WWOX: variants seen among roughly 807,000 people sequenced by gnomAD.
WWOX encodes WW domain containing oxidoreductase, also known as WW domain-containing oxidoreductase.
WWOX carries 69 observed loss-of-function variants against 46.2 expected under a neutral mutation model. That is an observed-to-expected ratio of 1.49 (90% CI 1.23 to 1.82). WWOX has a LOEUF of 1.82. Among genes scored for constraint, WWOX ranks in the 40% most tolerant of loss-of-function variants. The pLI, the probability that WWOX is intolerant of heterozygous loss-of-function variation, is 0.00. For missense variants in WWOX, 919 were observed against 542.6 expected (o/e 1.69, Z -6.89); for synonymous variants, 359 against 202.6 (o/e 1.77, Z -6.56).
chr16:78,850,783 A>G lies in WWOX; in HGVS notation c.1057-360825A>G, dbSNP rs181068911. On this transcript the variant is annotated intron_variant, in intron 8 of 8. Coordinates refer to ENST00000566780, the MANE Select transcript of WWOX (RefSeq NM_016373.4). The stretch of plus-strand genomic sequence containing the variant: ...ATCTTATTGGGACAAACAGATATTG[A>G]TACCCCTGGTCTTTGAGCCCCACTG... 4.9e-4 allele frequency among the ~76,000 whole-genome samples: 75 copies of G among 152,324 alleles called. 2 individuals carry two copies. In the East Asian group the frequency reaches 0.014, roughly 28 times the overall value.
intron 5 of WWOX, among the ~76,000 whole-genome samples, chr16:78,326,577 G>GC (rs60010994): frequency 0.019 from 610 of 32,698 alleles, 11 homozygotes; most frequent in South Asian, 0.024. Context: ...CCCTCCCCCC[G>GC]CCCCCCCCCC....
At chr16:78,334,102 C>G (rs1293965236) in intron 5 of WWOX, among the ~76,000 whole-genome samples, 8 of 152,176 alleles carry the variant, frequency 5.3e-5, no homozygotes, top group Admixed American at 5.2e-4. Context: ...TTGATTCCCC[C>G]TTTACTCACA....
intron 8 of WWOX, among the ~76,000 whole-genome samples, chr16:78,900,151 T>G (rs1486223564): frequency 2.0e-5 from 3 of 148,570 alleles, no homozygotes; most frequent in Non-Finnish European, 3.0e-5. Flanking sequence ...AAGGAGTCAG[T>G]AACAAACCGT....
At chr16:78,224,393 C>T (rs1262875585) in intron 5 of WWOX, among the ~76,000 whole-genome samples, 1 of 149,662 alleles carries the variant, frequency 6.7e-6, no homozygotes, top group Non-Finnish European at 1.5e-5. Flanking sequence ...TATATTATCT[C>T]TTTAAAAATT....
chr16:78,132,477 A>C (rs2033638066), intron 4 of WWOX, among the ~76,000 whole-genome samples: 1 of 152,176 alleles, frequency 6.6e-6, no homozygotes, highest in Non-Finnish European at 1.5e-5. Flanking sequence ...CTTCTTCTGT[A>C]ATTTATATTA....
chr16:79,076,792 A>G (rs1241238119), intron 8 of WWOX, among the ~76,000 whole-genome samples: 1 of 152,262 alleles, frequency 6.6e-6, no homozygotes, highest in African/African-American at 2.4e-5. Context: ...AAGAATACCT[A>G]GCACATAGGG....
intron 8 of WWOX, among the ~76,000 whole-genome samples, chr16:79,174,008 A>T (rs2050751782): frequency 1.3e-5 from 2 of 152,328 alleles, no homozygotes; most frequent in African/African-American, 4.8e-5. Flanking sequence ...CAGCTTATAA[A>T]CTGGCAGGAT....
At chr16:78,213,999 G>A (rs968077447) in intron 5 of WWOX, among the ~76,000 whole-genome samples, 1 of 152,128 alleles carries the variant, frequency 6.6e-6, no homozygotes, top group African/African-American at 2.4e-5. Flanking sequence ...GAAATGAGAG[G>A]TGTAACCTGT....
chr16:78,956,867 A>T (rs910688993), intron 8 of WWOX, among the ~76,000 whole-genome samples: 13 of 152,274 alleles, frequency 8.5e-5, no homozygotes, highest in Admixed American at 7.2e-4. Flanking sequence ...TGTCTCAAAC[A>T]TGTAGGCTTG....
chr16:78,556,245 A>G (rs1279395257), intron 8 of WWOX, among the ~76,000 whole-genome samples: 2 of 150,912 alleles, frequency 1.3e-5, no homozygotes, highest in Non-Finnish European at 2.9e-5. Flanking sequence ...TAAACAGGGT[A>G]CTTTCCCTCC....
At chr16:78,430,983 G>T (rs1422378196) in intron 7 of WWOX, among the ~76,000 whole-genome samples, 1 of 152,090 alleles carries the variant, frequency 6.6e-6, no homozygotes, top group Non-Finnish European at 1.5e-5. Context: ...TTATCTAGAG[G>T]ATTCCCATTA....
At position 78,719,901 on chromosome 16, in the gene WWOX, T is replaced by G. The variant is rs1363886219; in HGVS notation, c.1056+287149T>G. ...ATTTTTCTGCAAAATATTATTTGTT[T>G]CCCTTTGCAGTTTTATTCATTTTAA... On this transcript the variant is annotated intron_variant, in intron 8 of 8. Transcript: ENST00000566780. 5.3e-5 allele frequency among the ~76,000 whole-genome samples: 8 copies of G among 152,202 alleles called. No individual in the cohort carries two copies. In the South Asian group the frequency reaches 1.0e-3, roughly 20 times the overall value.
intron 8 of WWOX, among the ~76,000 whole-genome samples, chr16:78,812,694 G>C (rs61448355): frequency 0.016 from 2,363 of 152,034 alleles, 64 homozygotes; most frequent in African/African-American, 0.047. Context: ...CCACTGCACT[G>C]CAGCCTGGGT....
chr16:78,388,521 C>T (rs964321955), intron 6 of WWOX, among the ~76,000 whole-genome samples: 3 of 151,916 alleles, frequency 2.0e-5, no homozygotes, highest in African/African-American at 2.4e-5. Flanking sequence ...GTGGTGCACA[C>T]CTCTAGTCCT....
At chr16:78,467,117 T>A (rs2084099048) in intron 8 of WWOX, among the ~76,000 whole-genome samples, 1 of 152,226 alleles carries the variant, frequency 6.6e-6, no homozygotes, top group Non-Finnish European at 1.5e-5. Flanking sequence ...TGCATTATAG[T>A]CTTTGATCTT....
chr16:78,466,852 A>G (rs934269010), intron 8 of WWOX, among the ~76,000 whole-genome samples: 6 of 152,168 alleles, frequency 3.9e-5, no homozygotes, highest in East Asian at 1.9e-4. Flanking sequence ...CGTCTCAAAA[A>G]AAAAAGCACA....
At chr16:78,179,852 G>C (rs1597316797) in intron 5 of WWOX, 2 of 152,194 alleles carry the variant, frequency 1.3e-5, no homozygotes, top group Admixed American at 6.5e-5. Flanking sequence ...CCAGTGAGTA[G>C]CATAGCGCCT....
At chr16:78,288,391 C>A (rs1199339638) in intron 5 of WWOX, among the ~76,000 whole-genome samples, 3 of 151,326 alleles carry the variant, frequency 2.0e-5, no homozygotes, top group African/African-American at 4.9e-5. Context: ...TAACATTAGA[C>A]CTATTCCTAG....
intron 5 of WWOX, among the ~76,000 whole-genome samples, chr16:78,216,785 G>T (rs895996695): frequency 2.6e-5 from 4 of 151,954 alleles, no homozygotes; most frequent in African/African-American, 9.7e-5. Flanking sequence ...AGACTGGAGT[G>T]CAGTGGCTTG....
Sources: allele counts gnomAD v4.1 joint callset (sites outside exome capture counted in the v4.1 genomes callset), GRCh38; gene constraint gnomAD v4.1.1; transcripts MANE v1.5; gene names NCBI Gene and HGNC (gene_info 2026-07-23, HGNC 2026-07-21).